ATP6V1H: variants seen among roughly 807,000 people sequenced by gnomAD.
The protein encoded by ATP6V1H is V-type proton ATPase subunit H.
In ATP6V1H, 39 loss-of-function variants were observed where a neutral mutation model predicts 71.7. The ratio of observed to expected loss-of-function variants is 0.54; its 90% CI spans 0.42 to 0.71. The LOEUF (loss-of-function observed/expected upper bound fraction) is 0.71. Ranked by LOEUF, ATP6V1H falls within the 30% of genes least tolerant of loss-of-function variation. ATP6V1H has a pLI of 0.00. For missense variants in ATP6V1H, 509 were observed against 594.9 expected, an observed-to-expected ratio of 0.86 and a Z score of 1.50; for synonymous variants, 192 against 199.3, an observed-to-expected ratio of 0.96 and a Z score of 0.31.
intron 1 of ATP6V1H, 80 bp from the exon 2 acceptor site, chr8:53,841,805 T>A: frequency 1.5e-6 from 2 of 1,309,102 alleles, no homozygotes. Context: ...ATTATGAATA[T>A]CGTGATCACT....
At chr8:53,824,656 A>G (rs1235210284) in intron 4 of ATP6V1H, among the ~76,000 whole-genome samples, 1 of 152,122 alleles carries the variant, frequency 6.6e-6, no homozygotes, top group Non-Finnish European at 1.5e-5. Flanking sequence ...TGCCCAGAAA[A>G]TAACAGCCTT....
intron 11 of ATP6V1H, among the ~76,000 whole-genome samples, chr8:53,760,052 T>G (rs894134232): frequency 1.3e-5 from 2 of 152,202 alleles, no homozygotes; most frequent in Non-Finnish European, 2.9e-5. Context: ...GAATGTCAGG[T>G]GACCATCAAG....
rs1456978147 is a variant in ATP6V1H at position 53,782,870 on chromosome 8, C to G, written c.871-10703G>C. On this transcript the variant is annotated intron_variant, in intron 9 of 13. Transcript: ENST00000359530. ...TATTGATTTTCGTATGTTGAACCAGCCTTGCATCCCAGGGATGAAGCCCAC... is the reference window on the plus strand; with the variant it reads ...TATTGATTTTCGTATGTTGAACCAGGCTTGCATCCCAGGGATGAAGCCCAC... Among the ~76,000 whole-genome samples, 26 of 152,072 alleles carry G rather than the reference C, an allele frequency of 1.7e-4. No homozygotes were observed. In the East Asian group the frequency reaches 4.3e-3, roughly 25 times the overall value.
intron 9 of ATP6V1H, among the ~76,000 whole-genome samples, chr8:53,782,269 T>G (rs1236397106): frequency 1.3e-5 from 2 of 152,054 alleles, no homozygotes; most frequent in African/African-American, 4.8e-5. Flanking sequence ...CCCTTGTAAG[T>G]TAGATTCCTA....
intron 12 of ATP6V1H, among the ~76,000 whole-genome samples, chr8:53,747,758 G>A (rs1164248740): frequency 6.6e-6 from 1 of 151,718 alleles, no homozygotes; most frequent in South Asian, 2.1e-4. Context: ...GGCCAGGCTT[G>A]TCTCAAACTC....
chr8:53,811,002 G>GA (rs1810256292), intron 7 of ATP6V1H, among the ~76,000 whole-genome samples, 162 bp downstream of exon 7: 1 of 152,124 alleles, frequency 6.6e-6, no homozygotes, highest in Non-Finnish European at 1.5e-5. Flanking sequence ...GATCTCCACA[G>GA]ACCATCAATA....
At chr8:53,764,474 T>C (rs1808380650) in intron 11 of ATP6V1H, among the ~76,000 whole-genome samples, 1 of 152,062 alleles carries the variant, frequency 6.6e-6, no homozygotes, top group Admixed American at 6.6e-5. Flanking sequence ...TTAACATCCA[T>C]TCATGATAAA....
chr8:53,775,329 A>G (rs2130336926), intron 9 of ATP6V1H, among the ~76,000 whole-genome samples: 1 of 152,328 alleles, frequency 6.6e-6, no homozygotes, highest in East Asian at 1.9e-4. Flanking sequence ...AAAGAGCGAA[A>G]GAACACAGCT....
chr8:53,718,384 A>ATTC (rs1806498867), intron 13 of ATP6V1H, among the ~76,000 whole-genome samples: 1 of 121,806 alleles, frequency 8.2e-6, no homozygotes, highest in Admixed American at 8.6e-5. Flanking sequence ...CTCCTACACA[A>ATTC]TTTTTTTTTT....
chr8:53,756,020 G>C (rs551587489), intron 12 of ATP6V1H, among the ~76,000 whole-genome samples: 4 of 143,270 alleles, frequency 2.8e-5, no homozygotes, highest in African/African-American at 1.0e-4. Flanking sequence ...GCCTCCCAAA[G>C]TGCTGGGATT....
intron 13 of ATP6V1H, among the ~76,000 whole-genome samples, chr8:53,728,911 C>T (rs531024488): frequency 6.6e-6 from 1 of 152,350 alleles, no homozygotes; most frequent in Admixed American, 6.5e-5. Flanking sequence ...TTGGTCCTCC[C>T]ACTAACAGAT....
intron 4 of ATP6V1H, among the ~76,000 whole-genome samples, chr8:53,818,762 G>A (rs553907424): frequency 2.0e-5 from 3 of 152,170 alleles, no homozygotes; most frequent in African/African-American, 4.8e-5. Context: ...AAGCAATTCT[G>A]TCCAAAAGCA....
intron 9 of ATP6V1H, among the ~76,000 whole-genome samples, chr8:53,780,292 G>A (rs1424033994): frequency 2.0e-5 from 3 of 151,938 alleles, no homozygotes; most frequent in Non-Finnish European, 4.4e-5. Flanking sequence ...CCAAGATAAT[G>A]GCATTTCAAA....
chr8:53,748,477 T>A (rs1807684163), intron 12 of ATP6V1H, among the ~76,000 whole-genome samples: 1 of 152,220 alleles, frequency 6.6e-6, no homozygotes, highest in African/African-American at 2.4e-5. Context: ...TTCACACAGA[T>A]GTTAATTCTG....
intron 12 of ATP6V1H, among the ~76,000 whole-genome samples, chr8:53,747,959 A>T (rs1156435699): frequency 6.6e-6 from 1 of 151,280 alleles, no homozygotes; most frequent in African/African-American, 2.4e-5. Context: ...TGAGGTCAGG[A>T]GTTTGAGACC....
chr8:53,841,411 A>ACCC (rs1563322182), intron 2 of ATP6V1H, among the ~76,000 whole-genome samples, 167 bp downstream of exon 2: 1 of 152,032 alleles, frequency 6.6e-6, no homozygotes, highest in Non-Finnish European at 1.5e-5. Flanking sequence ...AGCTGTTTCC[A>ACCC]CCCCACTACA....
At chr8:53,790,752 G>A (rs1053733359) in intron 9 of ATP6V1H, among the ~76,000 whole-genome samples, 8 of 152,174 alleles carry the variant, frequency 5.3e-5, no homozygotes, top group South Asian at 2.1e-4. Context: ...GAAGAGATGA[G>A]ATTTCAAAGA....
chr8:53,775,051 G>GC (rs1483805042), intron 9 of ATP6V1H, among the ~76,000 whole-genome samples: 2 of 152,236 alleles, frequency 1.3e-5, no homozygotes, highest in African/African-American at 4.8e-5. Context: ...CTTGAAGGCG[G>GC]CGTGTCCGGA....
At chr8:53,815,152 C>A (rs1018559356) in intron 5 of ATP6V1H, among the ~76,000 whole-genome samples, 2 of 152,140 alleles carry the variant, frequency 1.3e-5, no homozygotes, top group Non-Finnish European at 2.9e-5. Flanking sequence ...AAACTGCCAG[C>A]CTCTCCCACA....
Sources: gnomAD v4.1 joint callset for allele counts (sites outside exome capture counted in the v4.1 genomes callset) on GRCh38, gnomAD v4.1.1 for gene constraint, MANE v1.5 for transcripts, NCBI Gene and HGNC (gene_info 2026-07-23, HGNC 2026-07-21) for gene names.